PVT1: variants seen among roughly 807,000 people sequenced by gnomAD.
The protein encoded by PVT1 is Pvt1 oncogene.
At chr8:128,086,153 A>G (rs188677597) in intron 5 of PVT1, among the ~76,000 whole-genome samples, 160 of 152,338 alleles carry the variant, frequency 1.1e-3, no homozygotes, top group African/African-American at 3.8e-3. Flanking sequence ...TAGTAATAGT[A>G]ATAGTCCAAG....
intron 4 of PVT1, among the ~76,000 whole-genome samples, chr8:128,026,005 G>T (rs1314804700): frequency 6.6e-6 from 1 of 151,846 alleles, no homozygotes. Context: ...AGGCCGGAGT[G>T]CAATGTTGTG....
chr8:127,809,029 C>CAAAAAAAAAAAAAAAAAAAA lies in PVT1; in HGVS notation n.372+12965_372+12984dup, dbSNP rs1158760672. Among the ~76,000 whole-genome samples, 208 of 28,162 alleles carry CAAAAAAAAAAAAAAAAAAAA rather than the reference C, an allele frequency of 7.4e-3. 1 individual carries two copies. Among genetic ancestry groups the CAAAAAAAAAAAAAAAAAAAA allele is most frequent in the Non-Finnish European group, 0.01 (163 of 15,542 alleles). 18.5% of individuals were successfully genotyped at this position (28,162 alleles called of 152,430 possible). A position where few individuals can be genotyped will look rare whatever the true frequency, so the allele number is the denominator to read the frequency against. On this transcript the variant is annotated intron_variant and non_coding_transcript_variant, in intron 2 of 10. Transcript: ENST00000651587. Reference sequence around the variant, plus strand: ...TGGGCAACAAAGTGAGATTCCATCTCAAAAAAAAAAAAAAAAAAAAAAAAA... The same window carrying CAAAAAAAAAAAAAAAAAAAA: ...TGGGCAACAAAGTGAGATTCCATCTCAAAAAAAAAAAAAAAAAAAAAAAAAAAAAAAAAAAAAAAAAAAAA...
chr8:128,070,426 T>A (rs1365280422), intron 5 of PVT1: 1 of 152,188 alleles, frequency 6.6e-6, no homozygotes, highest in Non-Finnish European at 1.5e-5. Flanking sequence ...CCAGAATGAC[T>A]GTACCAGTTT....
intron 4 of PVT1, among the ~76,000 whole-genome samples, chr8:128,064,579 T>C (rs1813878647): frequency 6.6e-6 from 1 of 152,232 alleles, no homozygotes; most frequent in African/African-American, 2.4e-5. Context: ...TCAGTGGTTC[T>C]AGGGTGGGGC....
In PVT1 at chr8:128,000,685, T is replaced by A. The variant is rs566441594; in HGVS notation, n.912+11394T>A. Among the ~76,000 whole-genome samples the A allele has an allele frequency of 1.6e-4, 25 of 152,362 alleles. No individual in the cohort carries two copies. The South Asian group carries it at 4.6e-3, about 28-fold the overall frequency. ...TGACAGTGTCACCGTAGCAATACTTTCCTGGCAGCAGGACTTTGTCCCATA... is the reference window on the plus strand; with the variant it reads ...TGACAGTGTCACCGTAGCAATACTTACCTGGCAGCAGGACTTTGTCCCATA... On this transcript the variant is annotated intron_variant and non_coding_transcript_variant, in intron 4 of 10. Transcript: ENST00000651587.
intron 2 of PVT1, among the ~76,000 whole-genome samples, chr8:127,850,674 A>G (rs1357514304): frequency 2.6e-5 from 4 of 152,210 alleles, no homozygotes; most frequent in Admixed American, 1.3e-4. Context: ...ATGTAGACTC[A>G]CTGATTGGGT....
At chr8:127,908,308 T>A (rs983612108) in intron 3 of PVT1, among the ~76,000 whole-genome samples, 1 of 151,868 alleles carries the variant, frequency 6.6e-6, no homozygotes, top group Non-Finnish European at 1.5e-5. Flanking sequence ...CATCCCTTCC[T>A]CTTCAGTTTC....
At chr8:127,835,607 G>A (rs1351751717) in intron 2 of PVT1, among the ~76,000 whole-genome samples, 1 of 151,972 alleles carries the variant, frequency 6.6e-6, no homozygotes, top group East Asian at 1.9e-4. Context: ...AGAACTTAAA[G>A]TACAAACAAA....
At chr8:127,844,235 G>T (rs1395931121) in intron 2 of PVT1, among the ~76,000 whole-genome samples, 1 of 152,060 alleles carries the variant, frequency 6.6e-6, no homozygotes, top group Non-Finnish European at 1.5e-5. Context: ...ATTATTAAAA[G>T]GGTCTCTTTG....
At chr8:128,071,484 C>A (rs1813989726) in intron 5 of PVT1, among the ~76,000 whole-genome samples, 1 of 151,634 alleles carries the variant, frequency 6.6e-6, no homozygotes, top group Admixed American at 6.6e-5. Context: ...GAGATTAATA[C>A]CACCCTAGGC....
At chr8:128,099,745 T>A (rs1199742716) in intron 6 of PVT1, 1 of 152,218 alleles carries the variant, frequency 6.6e-6, no homozygotes, top group Non-Finnish European at 1.5e-5. Flanking sequence ...TCTATGTACA[T>A]ATATATATTT....
At chr8:128,087,847 C>T (rs995096614) in intron 5 of PVT1, among the ~76,000 whole-genome samples, 2 of 150,368 alleles carry the variant, frequency 1.3e-5, no homozygotes, top group Non-Finnish European at 1.5e-5. Flanking sequence ...CCACCTTCCA[C>T]CTCCCAGGTT....
intron 4 of PVT1, among the ~76,000 whole-genome samples, chr8:128,004,237 C>A (rs1296993165): frequency 6.6e-6 from 1 of 152,182 alleles, no homozygotes; most frequent in South Asian, 2.1e-4. Flanking sequence ...CAATAAGATC[C>A]CCTTGACTCT....
At chr8:127,882,930 C>G (rs1459154244) in intron 2 of PVT1, among the ~76,000 whole-genome samples, 1 of 152,142 alleles carries the variant, frequency 6.6e-6, no homozygotes, top group Non-Finnish European at 1.5e-5. Flanking sequence ...TCCTCTGACT[C>G]TTGCTGGTAC....
At chr8:127,811,550 GT>G (rs1410965880) in intron 2 of PVT1, among the ~76,000 whole-genome samples, 2 of 152,124 alleles carry the variant, frequency 1.3e-5, no homozygotes, top group African/African-American at 4.8e-5. Flanking sequence ...TGCTCACAGG[GT>G]GTTAACATTT....
At chr8:127,851,420 C>A (rs1366994747) in intron 2 of PVT1, among the ~76,000 whole-genome samples, 2 of 152,146 alleles carry the variant, frequency 1.3e-5, no homozygotes, top group Non-Finnish European at 2.9e-5. Flanking sequence ...CTCCTTTGAG[C>A]CACCCCCGCC....
intron 2 of PVT1, among the ~76,000 whole-genome samples, chr8:127,818,339 G>A (rs1476058366): frequency 6.6e-6 from 1 of 152,162 alleles, no homozygotes; most frequent in Admixed American, 6.5e-5. Flanking sequence ...ACCCTGCTCC[G>A]GAAGTCTCAG....
chr8:127,976,895 A>G (rs1816828286), intron 3 of PVT1, among the ~76,000 whole-genome samples: 1 of 152,074 alleles, frequency 6.6e-6, no homozygotes, highest in Non-Finnish European at 1.5e-5. Flanking sequence ...GACACACAGC[A>G]TCCCAGCCTT....
chr8:127,874,062 G>A (rs1024145933), intron 2 of PVT1, among the ~76,000 whole-genome samples: 1 of 152,190 alleles, frequency 6.6e-6, no homozygotes, highest in Non-Finnish European at 1.5e-5. Flanking sequence ...GACACTCAAG[G>A]GAACATGCAA....
Sources: allele counts gnomAD v4.1 joint callset (sites outside exome capture counted in the v4.1 genomes callset), GRCh38; gene constraint gnomAD v4.1.1; transcripts MANE v1.5; gene names NCBI Gene and HGNC (gene_info 2026-07-23, HGNC 2026-07-21).